Variants in PRKN observed in about 807,000 individuals in gnomAD.
PRKN encodes parkin RBR E3 ubiquitin protein ligase.
PRKN carries 56 observed loss-of-function variants against 59.5 expected under a neutral mutation model. The ratio of observed to expected loss-of-function variants is 0.94; its 90% CI spans 0.76 to 1.18. PRKN has a LOEUF of 1.18. Ranked by LOEUF, PRKN falls within the 50% of genes most tolerant of loss-of-function variation. PRKN has a pLI of 0.00. For missense variants in PRKN, 657 were observed against 596.4 expected (o/e 1.10, Z -1.06); for synonymous variants, 250 against 222.1 (o/e 1.13, Z -1.12).
chr6:161,699,807 A>G (rs1281315778), intron 7 of PRKN, among the ~76,000 whole-genome samples: 1 of 152,144 alleles, frequency 6.6e-6, no homozygotes, highest in East Asian at 1.9e-4. Context: ...GGGTGGTTTC[A>G]CCGATGTGTA....
intron 1 of PRKN, among the ~76,000 whole-genome samples, chr6:162,621,580 A>T (rs988973650): frequency 4.6e-5 from 7 of 152,218 alleles, no homozygotes; most frequent in Middle Eastern, 3.2e-3. Flanking sequence ...TCTTTGTTTT[A>T]AATCACTAAG....
At chr6:161,833,157 C>T (rs533209333) in intron 6 of PRKN, among the ~76,000 whole-genome samples, 13 of 152,270 alleles carry the variant, frequency 8.5e-5, no homozygotes, top group African/African-American at 3.1e-4. Flanking sequence ...GGTGCCCACT[C>T]TAAGAGCCCC....
chr6:161,600,693 T>G (rs1457847235), intron 7 of PRKN, among the ~76,000 whole-genome samples: 1 of 152,164 alleles, frequency 6.6e-6, no homozygotes, highest in Admixed American at 6.6e-5. Flanking sequence ...AGGCATATTA[T>G]GGGGATATAT....
Position 162,277,350 on chromosome 6 carries a change from T to C in PRKN, c.172-14585A>G, listed in dbSNP as rs1290205254. On this transcript the variant is annotated intron_variant, in intron 2 of 11. Coordinates refer to ENST00000366898, the MANE Select transcript of PRKN (RefSeq NM_004562.3). ...GGATTCAGCATTAACGACAACAAAGTTTAACCCAAATTTAGCAATGAGGAG... is the reference window on the plus strand; with the variant it reads ...GGATTCAGCATTAACGACAACAAAGCTTAACCCAAATTTAGCAATGAGGAG... Among the ~76,000 whole-genome samples the C allele has an allele frequency of 2.0e-5, 3 of 152,118 alleles. No individual in the cohort carries two copies. The East Asian group carries it at 5.8e-4, about 29-fold the overall frequency.
At chr6:161,753,309 G>A (rs957971825) in intron 7 of PRKN, among the ~76,000 whole-genome samples, 1 of 152,116 alleles carries the variant, frequency 6.6e-6, no homozygotes, top group African/African-American at 2.4e-5. Context: ...GAGAGGGCAT[G>A]GAGATCTGGA....
At chr6:161,601,922 AT>A (rs1483943454) in intron 7 of PRKN, among the ~76,000 whole-genome samples, 1 of 152,216 alleles carries the variant, frequency 6.6e-6, no homozygotes, top group Non-Finnish European at 1.5e-5. Context: ...GACACAATGT[AT>A]TTAGCAAAAC....
chr6:161,821,937 C>T (rs901062643), intron 6 of PRKN, among the ~76,000 whole-genome samples: 7 of 151,618 alleles, frequency 4.6e-5, no homozygotes, highest in African/African-American at 9.7e-5. Flanking sequence ...TTAGTAGAGA[C>T]GGGGTTTCAC....
rs1369661519 is a variant in PRKN at position 161,575,009 on chromosome 6, T to G, written c.872-5593A>C. Among the ~76,000 whole-genome samples, 1 of 152,192 alleles carries G rather than the reference T, an allele frequency of 6.6e-6. No homozygotes were observed. The highest frequency in any genetic ancestry group is 1.9e-4 in the East Asian group (1 of 5,192). On this transcript the variant is annotated intron_variant, in intron 7 of 11. Coordinates refer to ENST00000366898, the MANE Select transcript of PRKN (RefSeq NM_004562.3). The surrounding 1 kb of genome is among the most constrained non-coding windows in gnomAD (Gnocchi z 4.6). The stretch of plus-strand genomic sequence containing the variant: ...AATTTAAAAGAGAATGTCACCTCTT[T>G]CCGTGCCATCCTCATGCCGTGCTCA...
chr6:161,588,498 C>T lies in PRKN; in HGVS notation c.872-19082G>A, dbSNP rs956783533. Among the ~76,000 whole-genome samples the T allele has an allele frequency of 1.3e-5, 2 of 151,936 alleles. No individual in the cohort carries two copies. Among genetic ancestry groups the T allele is most frequent in the African/African-American group, 4.8e-5 (2 of 41,368 alleles). On this transcript the variant is annotated intron_variant, in intron 7 of 11. Transcript: ENST00000366898. The surrounding 1 kb of genome is among the most constrained non-coding windows in gnomAD (Gnocchi z 5.0). ...GCAATTTAAGGATATTTGCAACAAA[C>T]AAGTTGGTTTGCTGGTGTTGCTCTT...
intron 1 of PRKN, among the ~76,000 whole-genome samples, chr6:162,722,914 C>T (rs1200904737): frequency 6.6e-6 from 1 of 152,184 alleles, no homozygotes; most frequent in African/African-American, 2.4e-5. Flanking sequence ...ATCTTCTATG[C>T]AAAACTTTAG....
chr6:161,486,725 A>G (rs1791664910), intron 9 of PRKN, among the ~76,000 whole-genome samples: 2 of 152,218 alleles, frequency 1.3e-5, no homozygotes. Context: ...TTGCCCTTTC[A>G]TAAATGCTGC....
chr6:161,378,020 C>A lies in PRKN; in HGVS notation c.1167+8774G>T, dbSNP rs575008605. Reference sequence around the variant, plus strand: ...GGACTGTGTGTGGAAAGGAAAGAGTCCTGAGTTAGGAAGAGATACAAGCTC... The same window carrying A: ...GGACTGTGTGTGGAAAGGAAAGAGTACTGAGTTAGGAAGAGATACAAGCTC... On this transcript the variant is annotated intron_variant, in intron 10 of 11. Coordinates refer to ENST00000366898, the MANE Select transcript of PRKN (RefSeq NM_004562.3). This position sits in a 1 kb window ranked among gnomAD's most constrained non-coding sequence, Gnocchi z 7.3. Among the ~76,000 whole-genome samples the A allele has an allele frequency of 3.5e-4, 53 of 152,072 alleles. No homozygotes were observed. Among genetic ancestry groups the A allele is most frequent in the African/African-American group, 1.3e-3 (52 of 41,476 alleles).
intron 4 of PRKN, among the ~76,000 whole-genome samples, chr6:162,181,074 C>G (rs919714277): frequency 6.6e-6 from 1 of 152,134 alleles, no homozygotes. Flanking sequence ...TCAGAAAGAA[C>G]GTGAAACAGC....
At chr6:162,469,359 T>TG (rs1562787805) in intron 1 of PRKN, among the ~76,000 whole-genome samples, 1 of 48,436 alleles carries the variant, frequency 2.1e-5, no homozygotes, top group African/African-American at 7.0e-5. Flanking sequence ...CAGGGGGGGG[T>TG]GGGTGACAGA....
At chr6:162,447,406 A>G (rs1790370779) in intron 1 of PRKN, among the ~76,000 whole-genome samples, 1 of 152,164 alleles carries the variant, frequency 6.6e-6, no homozygotes, top group East Asian at 1.9e-4. Flanking sequence ...TTGGAAATGC[A>G]TTGTTTTAAT....
At position 161,401,238 on chromosome 6, in the gene PRKN, A is replaced by G. The variant is rs1019426671; in HGVS notation, c.1084-14361T>C. 3.3e-5 allele frequency among the ~76,000 whole-genome samples: 5 copies of G among 152,178 alleles called. No individual in the cohort carries two copies. The highest frequency in any genetic ancestry group is 9.7e-5 in the African/African-American group (4 of 41,446). On this transcript the variant is annotated intron_variant, in intron 9 of 11. Transcript: ENST00000366898. The surrounding 1 kb of genome is among the most constrained non-coding windows in gnomAD (Gnocchi z 4.4). ...ACAGGACTTTCATTTGTGATAGTTC[A>G]GTCACGTCCTGGGGAATTGAGGAGA...
chr6:161,516,659 C>G (rs1466041640), intron 9 of PRKN, among the ~76,000 whole-genome samples: 1 of 150,470 alleles, frequency 6.6e-6, no homozygotes, highest in Non-Finnish European at 1.5e-5. Context: ...AAAACTCCAT[C>G]TCCACTAAAA....
chr6:162,558,558 A>G (rs1403796595), intron 1 of PRKN, among the ~76,000 whole-genome samples: 1 of 151,226 alleles, frequency 6.6e-6, no homozygotes, highest in East Asian at 1.9e-4. Context: ...TGAACTCCCG[A>G]TTTCAGGTGA....
intron 1 of PRKN, among the ~76,000 whole-genome samples, chr6:162,641,420 G>A (rs1297250438): frequency 2.0e-5 from 3 of 151,752 alleles, no homozygotes. Flanking sequence ...GAGGAAATTT[G>A]CTCACTGAAT....
Sources: gnomAD v4.1 joint callset for allele counts (sites outside exome capture counted in the v4.1 genomes callset) on GRCh38, gnomAD v4.1.1 for gene constraint, Gnocchi (gnomAD v3.1) non-coding constraint, MANE v1.5 for transcripts, NCBI Gene and HGNC (gene_info 2026-07-23, HGNC 2026-07-21) for gene names.